MPRIP: variants seen among roughly 807,000 people sequenced by gnomAD.
MPRIP encodes myosin phosphatase Rho interacting protein, also known as myosin phosphatase Rho-interacting protein.
A neutral mutation model predicts 234.9 loss-of-function variants in MPRIP; 59 were observed. The observed-to-expected ratio is 0.25, with a 90% CI of 0.20 to 0.31. The LOEUF (loss-of-function observed/expected upper bound fraction) is 0.31. Ranked by LOEUF, MPRIP falls within the 10% of genes least tolerant of loss-of-function variation. The pLI is 1.00. For missense variants in MPRIP, 2,436 were observed against 3,071.0 expected (o/e 0.79, Z 4.89); for synonymous variants, 1,144 against 1,263.9 (o/e 0.91, Z 2.01).
chr17:17,090,108 T>G (rs2144135421), intron 3 of MPRIP, among the ~76,000 whole-genome samples: 1 of 152,276 alleles, frequency 6.6e-6, no homozygotes, highest in Non-Finnish European at 1.5e-5. Flanking sequence ...GTTTTGTGTT[T>G]CTCACGTGTG....
chr17:17,179,070 C>T (rs1193382365), intron 22 of MPRIP, among the ~76,000 whole-genome samples: 8 of 152,244 alleles, frequency 5.3e-5, no homozygotes, highest in Non-Finnish European at 8.8e-5. Context: ...AATCCCAGCA[C>T]TTTGGGAGGT....
chr17:17,069,376 C>T (rs2089137256), intron 1 of MPRIP, among the ~76,000 whole-genome samples: 1 of 151,876 alleles, frequency 6.6e-6, no homozygotes. Flanking sequence ...AAAATCTACT[C>T]TATCAATCTT....
At chr17:17,174,613 GA>G (rs1468186408) in intron 19 of MPRIP, among the ~76,000 whole-genome samples, 1 of 152,196 alleles carries the variant, frequency 6.6e-6, no homozygotes, top group African/African-American at 2.4e-5. Flanking sequence ...AAGACGGGCG[GA>G]TCACAAGGTC....
intron 11 of MPRIP, 100 bp downstream of exon 11, chr17:17,147,487 C>A: frequency 9.0e-7 from 1 of 1,116,852 alleles, no homozygotes; most frequent in Non-Finnish European, 1.4e-6. Flanking sequence ...AATGTCCCCA[C>A]TTCTGAGGAC....
At chr17:17,106,597 G>C (rs2090067672) in intron 3 of MPRIP, among the ~76,000 whole-genome samples, 1 of 152,188 alleles carries the variant, frequency 6.6e-6, no homozygotes, top group Admixed American at 6.5e-5. Context: ...CAGTGGCTTT[G>C]ACTGGTGAAG....
intron 1 of MPRIP, among the ~76,000 whole-genome samples, chr17:17,068,454 T>C (rs2143987029): frequency 6.6e-6 from 1 of 152,238 alleles, no homozygotes; most frequent in Admixed American, 6.5e-5. Flanking sequence ...CTGGCTGAAG[T>C]TGATCAGTTT....
Position 17,042,971 on chromosome 17 carries a change from G to C in MPRIP, c.123G>C (p.Gln41His). The change falls in exon 1 of 24, where the codon CAG (glutamine) becomes CAC (histidine). Residue 41 changes from glutamine (Q) to histidine (H), a missense_variant and splice_region_variant. Physicochemically the swap from Gln to His is conservative, Grantham distance 24. Around this residue, in one of 4 missense-constraint regions of MPRIP, gnomAD observed 140 missense variants for 207.3 expected, o/e 0.68. Transcript: ENST00000651222. ...TGCTCAACGACGAGGACCTGACGCA[G>C]GTGAGCGACTGGGGCCGGCCCGGAC... is the stretch of plus-strand genomic sequence containing the variant. ...SHLLNDEDLT[Q>H]AKPIYGGWLL... 1 of 1,609,976 alleles carries C rather than the reference G, an allele frequency of 6.2e-7. No individual in the cohort carries two copies. The highest frequency in any genetic ancestry group is 8.5e-7 in the Non-Finnish European group (1 of 1,178,246).
At chr17:17,061,421 C>T (rs2088864066) in intron 1 of MPRIP, among the ~76,000 whole-genome samples, 1 of 152,192 alleles carries the variant, frequency 6.6e-6, no homozygotes, top group Non-Finnish European at 1.5e-5. Context: ...TTTCCACAGA[C>T]ACCTTTTTGG....
chr17:17,062,434 C>T (rs1047011221), intron 1 of MPRIP, among the ~76,000 whole-genome samples: 1 of 152,246 alleles, frequency 6.6e-6, no homozygotes, highest in Non-Finnish European at 1.5e-5. Context: ...TTCTCATCAA[C>T]TCTCAATCTT....
intron 5 of MPRIP, among the ~76,000 whole-genome samples, chr17:17,132,917 A>G (rs115727349): frequency 0.023 from 3,459 of 152,348 alleles, 105 homozygotes; most frequent in Middle Eastern, 0.085. Flanking sequence ...GGAGAGAAAC[A>G]AAAAAATCAC....
intron 16 of MPRIP, chr17:17,168,817 G>A (rs1373542284): frequency 8.8e-6 from 4 of 456,170 alleles, no homozygotes; most frequent in Admixed American, 2.4e-5. Context: ...TGCCTTCCAC[G>A]CTCATGTGGC....
At chr17:17,085,136 A>G (rs11871902) in intron 3 of MPRIP, among the ~76,000 whole-genome samples, 133,141 of 152,236 alleles carry the variant, frequency 0.87, 58,685 homozygotes, top group East Asian at 0.99. Flanking sequence ...CGTGGAGCCC[A>G]AGTACCTTAG....
chr17:17,099,217 G>T (rs9914671), intron 3 of MPRIP, among the ~76,000 whole-genome samples: 114,960 of 152,138 alleles, frequency 0.76, 43,736 homozygotes, highest in East Asian at 0.99. Context: ...CACACTCCCC[G>T]TCCTCTGCAG....
intron 23 of MPRIP, among the ~76,000 whole-genome samples, chr17:17,184,598 T>G (rs2046437052): frequency 6.6e-6 from 1 of 152,236 alleles, no homozygotes; most frequent in Non-Finnish European, 1.5e-5. Flanking sequence ...CTTGTCTCTC[T>G]GATTTTTTTT....
At chr17:17,109,369 C>T (rs1322027667) in intron 3 of MPRIP, among the ~76,000 whole-genome samples, 4 of 152,178 alleles carry the variant, frequency 2.6e-5, no homozygotes, top group African/African-American at 9.7e-5. Context: ...TTCTCTCACA[C>T]GAGTACTGAC....
chr17:17,166,948 T>G lies in MPRIP; in HGVS notation c.5357T>G (p.Leu1786Arg). Residue 1786 changes from leucine to arginine, a missense_variant, in exon 16 of 24, where the codon CTG becomes CGG. Around this residue, in one of 4 missense-constraint regions of MPRIP, gnomAD observed 1,998 missense variants for 2,520.3 expected, o/e 0.79. Coordinates refer to ENST00000651222, the MANE Select transcript of MPRIP (RefSeq NM_001364716.4). The surrounding 1 kb of genome is among the most constrained non-coding windows in gnomAD (Gnocchi z 4.4). ...ATTCAGGAGGAGCTTGCCCAGCAGCTGAAGGAGAAGGCCAGCCTCTTAGAG... is the reference window on the plus strand; with the variant it reads ...ATTCAGGAGGAGCTTGCCCAGCAGCGGAAGGAGAAGGCCAGCCTCTTAGAG... ...VAIQEELAQQ[L>R]KEKASLLEEI... 1 of 1,304,220 alleles carries G rather than the reference T, an allele frequency of 7.7e-7. No homozygotes were observed. Among genetic ancestry groups the G allele is most frequent in the Non-Finnish European group, 1.0e-6 (1 of 988,956 alleles). The allele number at this position is 1,304,220 out of a possible 1,614,324, so 80.8% of individuals were successfully genotyped here.
Position 17,165,930 on chromosome 17 carries a change from C to T in MPRIP, c.4339C>T (p.Leu1447=). Residue 1447 remains leucine, a synonymous_variant, in exon 16 of 24, where the codon CTG becomes TTG. Coordinates refer to ENST00000651222, the MANE Select transcript of MPRIP (RefSeq NM_001364716.4). ...CCAGGTTGGCGCACTGGCCTCCCAG[C>T]TGGAGCAGGAGAGGCAGGAGAGGGC... is the stretch of plus-strand genomic sequence containing the variant. ...LLQVGALASQ[L]EQERQERARR... is the part of the protein sequence containing the mutation. 1 of 1,304,132 alleles carries T rather than the reference C, an allele frequency of 7.7e-7. No individual in the cohort carries two copies. The highest frequency in any genetic ancestry group is 1.2e-5 in the South Asian group (1 of 80,990). 80.8% of individuals were successfully genotyped at this position (1,304,132 alleles called of 1,614,324 possible).
In MPRIP at chr17:17,136,289, G is replaced by A. The variant is rs1178425004; in HGVS notation, c.575G>A (p.Ser192Asn). 1 of 1,613,658 alleles carries A rather than the reference G, an allele frequency of 6.2e-7. No individual in the cohort carries two copies. Among genetic ancestry groups the A allele is most frequent in the Non-Finnish European group, 8.5e-7 (1 of 1,179,862 alleles). The change falls in exon 6 of 24, where the codon AGT becomes AAT. Residue 192 changes from serine to asparagine, a missense_variant. This residue lies in a region of MPRIP where 31 missense variants were observed against 90.7 expected (regional missense o/e 0.34). Coordinates refer to ENST00000651222, the MANE Select transcript of MPRIP (RefSeq NM_001364716.4). The stretch of plus-strand genomic sequence containing the variant: ...AGCAGCAGCAGCAGCAGCATCCCCA[G>A]TGCTGAGAAAGTCCCCACCACCAAG... The part of the protein sequence containing the change: ...SSSSSSSSIP[S>N]AEKVPTTKST...
intron 6 of MPRIP, among the ~76,000 whole-genome samples, chr17:17,136,665 A>G (rs960475252): frequency 1.3e-5 from 2 of 152,198 alleles, no homozygotes; most frequent in African/African-American, 4.8e-5. Flanking sequence ...CTTAAATCCC[A>G]TCTTTAAAGG....
Sources: gnomAD v4.1 joint callset for allele counts (sites outside exome capture counted in the v4.1 genomes callset) on GRCh38, gnomAD v4.1.1 for gene constraint, gnomAD v4.1.1 regional missense constraint, Gnocchi (gnomAD v3.1) non-coding constraint, MANE v1.5 for transcripts, NCBI Gene and HGNC (gene_info 2026-07-23, HGNC 2026-07-21) for gene names.